TSPAN18: variants seen among roughly 807,000 people sequenced by gnomAD.
TSPAN18 encodes tetraspanin 18.
In TSPAN18, 14 loss-of-function variants were observed where a neutral mutation model predicts 27.3. That is an observed-to-expected ratio of 0.51 (90% CI 0.34 to 0.80). The LOEUF is 0.80. TSPAN18 is among the 30% of genes least tolerant of loss of function. The probability of loss-of-function intolerance (pLI) is 0.01; values close to 1 mark genes in which losing one functional copy is unlikely to be tolerated. For synonymous variants in TSPAN18, 143 were observed against 136.5 expected (o/e 1.05, Z -0.33); for missense variants, 268 against 323.9 (o/e 0.83, Z 1.32).
chr11:44,825,846 A>T (rs1332720014), intron 2 of TSPAN18, among the ~76,000 whole-genome samples: 1 of 151,864 alleles, frequency 6.6e-6, no homozygotes, highest in Admixed American at 6.6e-5. Context: ...TTAGGGTTGG[A>T]TGCTCGCTCT....
At chr11:44,783,136 C>T (rs953869562) in intron 2 of TSPAN18, among the ~76,000 whole-genome samples, 11 of 151,994 alleles carry the variant, frequency 7.2e-5, no homozygotes, top group Admixed American at 2.0e-4. Context: ...CCTCTTTTGC[C>T]CAATTTTTAT....
chr11:44,869,765 C>G (rs1858141305), intron 3 of TSPAN18, among the ~76,000 whole-genome samples: 1 of 152,242 alleles, frequency 6.6e-6, no homozygotes, highest in African/African-American at 2.4e-5. Context: ...GGCTCAGTCT[C>G]TCTGGAGGCC....
At chr11:44,802,245 G>A (rs1856496465) in intron 2 of TSPAN18, among the ~76,000 whole-genome samples, 1 of 151,694 alleles carries the variant, frequency 6.6e-6, no homozygotes, top group African/African-American at 2.4e-5. Flanking sequence ...CTGCAGGAGA[G>A]GAAACAGCAG....
chr11:44,922,938 G>A lies in TSPAN18; in HGVS notation c.615+2939G>A, dbSNP rs573406640. Among the ~76,000 whole-genome samples, 23 of 152,202 alleles carry A rather than the reference G, an allele frequency of 1.5e-4. No homozygotes were observed. In the East Asian group the frequency reaches 3.3e-3, roughly 22 times the overall value. On this transcript the variant is annotated intron_variant, in intron 8 of 9. Transcript: ENST00000520358. The stretch of plus-strand genomic sequence containing the variant: ...AGCCCAGCCAACACGGAGAAACCCC[G>A]TCTCTACTAAAAATACAAAAATTAG...
At chr11:44,772,167 T>C (rs576494849) in intron 2 of TSPAN18, among the ~76,000 whole-genome samples, 198 of 152,328 alleles carry the variant, frequency 1.3e-3, no homozygotes, top group Non-Finnish European at 2.4e-3. Context: ...TCAATCTACC[T>C]GTTTAAATGT....
At chr11:44,807,213 A>G (rs1357774751) in intron 2 of TSPAN18, among the ~76,000 whole-genome samples, 26 of 52,718 alleles carry the variant, frequency 4.9e-4, no homozygotes, top group Non-Finnish European at 1.5e-3. Context: ...AAAAAAAAAA[A>G]AAAAAAAAAA....
Position 44,747,772 on chromosome 11 carries a change from C to T in TSPAN18, c.-239-16654C>T, listed in dbSNP as rs553308212. Among the ~76,000 whole-genome samples the T allele has an allele frequency of 2.3e-3, 349 of 152,310 alleles. 1 individual carries two copies. Among genetic ancestry groups the T allele is most frequent in the African/African-American group, 7.4e-3 (307 of 41,570 alleles). ...TGCACACTCACACGCTACCTTCACA[C>T]TTGCTCACTCTCATCTTTCCACACT... On this transcript the variant is annotated intron_variant, in intron 1 of 9. Coordinates refer to ENST00000520358, the MANE Select transcript of TSPAN18 (RefSeq NM_130783.5).
chr11:44,740,886 A>G (rs961175005), intron 1 of TSPAN18, among the ~76,000 whole-genome samples: 3 of 152,188 alleles, frequency 2.0e-5, no homozygotes, highest in African/African-American at 4.8e-5. Flanking sequence ...TCCAGGTTCA[A>G]GCGATTCTCC....
chr11:44,812,526 C>T (rs1856739784), intron 2 of TSPAN18, among the ~76,000 whole-genome samples: 1 of 152,144 alleles, frequency 6.6e-6, no homozygotes, highest in African/African-American at 2.4e-5. Flanking sequence ...ACAGAGGGGG[C>T]ACCACGTGCT....
intron 4 of TSPAN18, 152 bp downstream of exon 4, chr11:44,906,631 G>C (rs1039175263): frequency 2.8e-6 from 2 of 726,966 alleles, no homozygotes; most frequent in Non-Finnish European, 4.7e-6. Context: ...ATGGAAGGGG[G>C]CCCCCAGCAG....
intron 5 of TSPAN18, among the ~76,000 whole-genome samples, chr11:44,911,999 T>C (rs1859739454): frequency 7.7e-6 from 1 of 129,618 alleles, no homozygotes; most frequent in Admixed American, 8.9e-5. Context: ...CTCCCTTTCC[T>C]CTCTGCCTCT....
chr11:44,900,851 C>T (rs555930756), intron 3 of TSPAN18, among the ~76,000 whole-genome samples: 2 of 151,734 alleles, frequency 1.3e-5, no homozygotes, highest in South Asian at 4.2e-4. Flanking sequence ...CTGCCACCAC[C>T]CCCAGCTAAT....
intron 5 of TSPAN18, 147 bp downstream of exon 5, chr11:44,910,046 T>G: frequency 1.3e-5 from 12 of 938,156 alleles, no homozygotes; most frequent in Non-Finnish European, 1.9e-5. Context: ...ATCATGGAGA[T>G]GAGCACGTCT....
chr11:44,841,626 G>T (rs1486486440), intron 2 of TSPAN18, among the ~76,000 whole-genome samples: 1 of 152,208 alleles, frequency 6.6e-6, no homozygotes, highest in Admixed American at 6.5e-5. Context: ...CCTTTATGGA[G>T]GGGACCCTTG....
intron 5 of TSPAN18, among the ~76,000 whole-genome samples, chr11:44,917,347 C>T (rs1859949881): frequency 6.6e-6 from 1 of 152,224 alleles, no homozygotes; most frequent in African/African-American, 2.4e-5. Context: ...GTGGTTCATT[C>T]AGGGAACATC....
At chr11:44,785,521 C>T (rs920036782) in intron 2 of TSPAN18, among the ~76,000 whole-genome samples, 6 of 150,762 alleles carry the variant, frequency 4.0e-5, no homozygotes, top group African/African-American at 7.4e-5. Flanking sequence ...ATGCCCCCTG[C>T]CCCCCACCGC....
rs185768019 is a variant in TSPAN18, at chr11:44,802,960, T to G, written c.-153+38448T>G. On this transcript the variant is annotated intron_variant, in intron 2 of 9. Transcript: ENST00000520358. ...TGGGGACAGTGGAGGGACCCATGTT[T>G]GGGGAGAGTCATGGCGGAGGCATGG... 1.0e-3 allele frequency among the ~76,000 whole-genome samples: 158 copies of G among 151,996 alleles called. 2 individuals carry two copies. The highest frequency in any genetic ancestry group is 1.8e-3 in the Non-Finnish European group (123 of 67,942).
intron 2 of TSPAN18, among the ~76,000 whole-genome samples, chr11:44,768,914 T>G (rs1023290705): frequency 1.6e-5 from 1 of 62,370 alleles, no homozygotes; most frequent in Non-Finnish European, 3.6e-5. Flanking sequence ...TTTTTTTTTT[T>G]GAAACAGAGT....
intron 9 of TSPAN18, 106 bp downstream of exon 9, chr11:44,926,863 C>A: frequency 7.8e-7 from 1 of 1,274,756 alleles, no homozygotes. Flanking sequence ...CACCTGGGAC[C>A]CAAGGGGCCC....
Sources: gnomAD v4.1 joint callset for allele counts (sites outside exome capture counted in the v4.1 genomes callset) on GRCh38, gnomAD v4.1.1 for gene constraint, MANE v1.5 for transcripts, NCBI Gene and HGNC (gene_info 2026-07-23, HGNC 2026-07-21) for gene names.